KSR2: variants seen among roughly 807,000 people sequenced by gnomAD.
KSR2 encodes the protein kinase suppressor of ras 2.
Under a neutral mutation model 107.8 loss-of-function variants are expected in KSR2, and 25 were observed. That is an observed-to-expected ratio of 0.23 (90% confidence interval 0.17 to 0.32). The LOEUF is 0.32. Among genes scored for constraint, KSR2 ranks in the 10% least tolerant of loss-of-function variants. The pLI, the probability that KSR2 is intolerant of heterozygous loss-of-function variation, is 1.00. For synonymous variants in KSR2, 480 were observed against 507.0 expected (o/e 0.95, Z 0.71); for missense variants, 887 against 1,268.9 (o/e 0.70, Z 4.57).
At chr12:117,955,416 A>G (rs1896483044) in intron 1 of KSR2, among the ~76,000 whole-genome samples, 1 of 152,080 alleles carries the variant, frequency 6.6e-6, no homozygotes, top group South Asian at 2.1e-4. Context: ...GTGAGCCACA[A>G]TCCTGATTTT....
chr12:117,513,263 C>T (rs1874144554), intron 14 of KSR2, among the ~76,000 whole-genome samples: 2 of 152,100 alleles, frequency 1.3e-5, no homozygotes, highest in Non-Finnish European at 2.9e-5. Flanking sequence ...AGCAGTATTC[C>T]CAGTGGTCAA....
rs183942343 is a variant in KSR2 at position 117,832,977 on chromosome 12, G to A, written c.472+22451C>T. Among the ~76,000 whole-genome samples, 11 of 152,316 alleles carry A rather than the reference G, an allele frequency of 7.2e-5. No homozygotes were observed. The East Asian group carries it at 2.1e-3, about 29-fold the overall frequency. On this transcript the variant is annotated intron_variant, in intron 3 of 19. Transcript: ENST00000339824. ...GCCAAGTGGCTTCTGCACAGCACGT[G>A]GGCTCCCAACAAATACCCTGCCTTC...
intron 8 of KSR2, among the ~76,000 whole-genome samples, chr12:117,557,551 G>C (rs1429280617): frequency 6.6e-6 from 1 of 152,132 alleles, no homozygotes; most frequent in African/African-American, 2.4e-5. Flanking sequence ...GCTGGTCCAC[G>C]GACAGTGCTT....
intron 6 of KSR2, 76 bp from the exon 7 acceptor site, chr12:117,579,278 G>T: frequency 9.9e-7 from 1 of 1,014,832 alleles, no homozygotes; most frequent in Non-Finnish European, 1.5e-6. Flanking sequence ...TGAAGTACTT[G>T]AAGAGCAAGC....
At chr12:117,935,444 T>C (rs1430115905) in intron 1 of KSR2, among the ~76,000 whole-genome samples, 2 of 152,038 alleles carry the variant, frequency 1.3e-5, no homozygotes, top group Non-Finnish European at 2.9e-5. Context: ...TTTCATGGGG[T>C]AAAATGTTTA....
At chr12:117,868,299 T>C (rs10850915) in intron 1 of KSR2, among the ~76,000 whole-genome samples, 107,050 of 151,600 alleles carry the variant, frequency 0.71, 38,228 homozygotes, top group African/African-American at 0.8. Flanking sequence ...GTGGTGCACA[T>C]CTGTAGTCCC....
In KSR2 at chr12:117,739,207, T is replaced by C. The variant is rs528061092; in HGVS notation, c.986+21804A>G. Among the ~76,000 whole-genome samples the C allele has an allele frequency of 3.3e-5, 5 of 151,970 alleles. No homozygotes were observed. In the East Asian group the frequency reaches 9.8e-4, roughly 30 times the overall value. ...CGTCTCTACTAAAAATACAAAAAAT[T>C]AGCCGGGCGTGGTAGCGGGCGCCTG... On this transcript the variant is annotated intron_variant, in intron 4 of 19. Coordinates refer to ENST00000339824, the MANE Select transcript of KSR2 (RefSeq NM_173598.6).
intron 4 of KSR2, among the ~76,000 whole-genome samples, chr12:117,749,900 A>C (rs11612647): frequency 0.053 from 8,073 of 152,222 alleles, 303 homozygotes; most frequent in Non-Finnish European, 0.082. Flanking sequence ...AAGAGGGCCT[A>C]GAATCCAGGA....
chr12:117,873,401 C>T (rs1593327285), intron 1 of KSR2, among the ~76,000 whole-genome samples: 1 of 148,782 alleles, frequency 6.7e-6, no homozygotes. Context: ...ATAATGGGAG[C>T]TCCACGTTTA....
At chr12:117,511,398 T>C (rs1014408211) in intron 14 of KSR2, among the ~76,000 whole-genome samples, 1 of 152,130 alleles carries the variant, frequency 6.6e-6, no homozygotes, top group Non-Finnish European at 1.5e-5. Context: ...TGGGAAGGCA[T>C]GGAGAATAGC....
intron 1 of KSR2, among the ~76,000 whole-genome samples, chr12:117,939,737 G>A (rs1310872409): frequency 2.7e-5 from 4 of 148,964 alleles, no homozygotes; most frequent in Non-Finnish European, 5.9e-5. Context: ...AACAAAAAAC[G>A]ATGTGAAACG....
chr12:117,867,003 C>T (rs1893494587), intron 1 of KSR2, among the ~76,000 whole-genome samples: 3 of 151,990 alleles, frequency 2.0e-5, no homozygotes, highest in South Asian at 4.2e-4. Context: ...CCTTCCTTGC[C>T]TCATTCATTT....
chr12:117,867,392 G>C (rs1893510549), intron 1 of KSR2, among the ~76,000 whole-genome samples: 1 of 152,046 alleles, frequency 6.6e-6, no homozygotes, highest in Non-Finnish European at 1.5e-5. Context: ...CTGTCTGGAA[G>C]TCCTTTCCAC....
rs146970603 is a variant in KSR2, at chr12:117,863,914, T to C, written c.181-3483A>G. ...CCCTTACCCTCCTACTTCCCTCTTA[T>C]ACAGACCCTTGCAATGATCTGGGGC... On this transcript the variant is annotated intron_variant, in intron 1 of 19. Coordinates refer to ENST00000339824, the MANE Select transcript of KSR2 (RefSeq NM_173598.6). Among the ~76,000 whole-genome samples, 107 of 152,216 alleles carry C rather than the reference T, an allele frequency of 7.0e-4. 1 individual carries two copies. In the East Asian group the frequency reaches 0.019, roughly 27 times the overall value.
intron 4 of KSR2, among the ~76,000 whole-genome samples, chr12:117,713,545 G>A (rs1339871837): frequency 6.6e-6 from 1 of 152,158 alleles, no homozygotes; most frequent in Admixed American, 6.6e-5. Flanking sequence ...GGAGGGAATG[G>A]GGGCTTTCAC....
intron 1 of KSR2, among the ~76,000 whole-genome samples, chr12:117,866,030 ATC>A (rs1217338445): frequency 7.8e-6 from 1 of 128,056 alleles, no homozygotes; most frequent in African/African-American, 3.5e-5. Context: ...ACACTTGCTA[ATC>A]TCTCTCTTTT....
intron 14 of KSR2, among the ~76,000 whole-genome samples, chr12:117,487,824 G>C (rs1872546406): frequency 1.3e-5 from 2 of 152,108 alleles, no homozygotes; most frequent in South Asian, 4.2e-4. Flanking sequence ...TGAAGTCTTT[G>C]CTTCTCTCAC....
At chr12:117,869,363 C>T (rs914188384) in intron 1 of KSR2, among the ~76,000 whole-genome samples, 13 of 152,184 alleles carry the variant, frequency 8.5e-5, no homozygotes, top group African/African-American at 3.1e-4. Context: ...CACAGCAAGA[C>T]TCCATCTCAA....
At chr12:117,476,171 C>A (rs1469604711) in intron 17 of KSR2, among the ~76,000 whole-genome samples, 1 of 152,254 alleles carries the variant, frequency 6.6e-6, no homozygotes, top group Non-Finnish European at 1.5e-5. Flanking sequence ...GTATCCCCTG[C>A]ATCTGCTACA....
Sources: gnomAD v4.1 joint callset for allele counts (sites outside exome capture counted in the v4.1 genomes callset) on GRCh38, gnomAD v4.1.1 for gene constraint, MANE v1.5 for transcripts, NCBI Gene and HGNC (gene_info 2026-07-23, HGNC 2026-07-21) for gene names.